THSD7A: variants seen among roughly 807,000 people sequenced by gnomAD.
THSD7A encodes thrombospondin type-1 domain-containing protein 7A.
In THSD7A, 96 loss-of-function variants were observed where a neutral mutation model predicts 231.3. The ratio of observed to expected loss-of-function variants is 0.41; its 90% CI spans 0.35 to 0.49. THSD7A has a LOEUF of 0.49. Among genes scored for constraint, THSD7A ranks in the 20% least tolerant of loss-of-function variants. The pLI, the probability that THSD7A is intolerant of heterozygous loss-of-function variation, is 0.05. For synonymous variants in THSD7A, 940 were observed against 743.3 expected (o/e 1.26, Z -4.30); for missense variants, 2,290 against 2,070.2 (o/e 1.11, Z -2.06).
intron 6 of THSD7A, among the ~76,000 whole-genome samples, chr7:11,494,581 A>G (rs905447734): frequency 6.6e-6 from 1 of 152,078 alleles, no homozygotes; most frequent in Non-Finnish European, 1.5e-5. Context: ...ATGAATAGCT[A>G]CTGTGTTCAA....
At chr7:11,707,798 G>C (rs1011097538) in intron 1 of THSD7A, among the ~76,000 whole-genome samples, 3 of 150,758 alleles carry the variant, frequency 2.0e-5, no homozygotes, top group African/African-American at 7.3e-5. Context: ...CATTCAGCTT[G>C]AGCCAAAATA....
intron 7 of THSD7A, among the ~76,000 whole-genome samples, chr7:11,478,369 T>C (rs1334397228): frequency 6.6e-6 from 1 of 152,146 alleles, no homozygotes; most frequent in African/African-American, 2.4e-5. Context: ...GTGCCCCCTG[T>C]CCTTCACCCT....
chr7:11,820,230 T>G (rs980037747), intron 1 of THSD7A: 1 of 370,218 alleles, frequency 2.7e-6, no homozygotes, highest in African/African-American at 2.1e-5. Context: ...TTTCAGAATC[T>G]TCTTGAGGTT....
At chr7:11,724,101 T>C in intron 1 of THSD7A, among the ~76,000 whole-genome samples, 1 of 152,004 alleles carries the variant, frequency 6.6e-6, no homozygotes, top group East Asian at 1.9e-4. Flanking sequence ...ATTTCAAAAA[T>C]TGAGCTCTTA....
chr7:11,731,305 G>A (rs1781724430), intron 1 of THSD7A, among the ~76,000 whole-genome samples: 2 of 151,262 alleles, frequency 1.3e-5, no homozygotes, highest in African/African-American at 4.8e-5. Flanking sequence ...TTGAATGTAG[G>A]TAACTCCCCT....
chr7:11,423,513 T>A (rs919922103), intron 16 of THSD7A, among the ~76,000 whole-genome samples: 2 of 151,662 alleles, frequency 1.3e-5, no homozygotes, highest in African/African-American at 4.8e-5. Flanking sequence ...GGACTACAGG[T>A]GCCCGCCGCC....
Position 11,632,529 on chromosome 7 carries a change from G to T in THSD7A, c.1022+3601C>A, listed in dbSNP as rs927943816. 2.0e-5 allele frequency among the ~76,000 whole-genome samples: 3 copies of T among 152,028 alleles called. No individual in the cohort carries two copies. The highest frequency in any genetic ancestry group is 2.9e-5 in the Non-Finnish European group (2 of 67,992). ...AATTATCGTAACATCTGAGGGAAAA[G>T]GTCTTATTTTTACCACTTGCTTTCT... On this transcript the variant is annotated intron_variant, in intron 2 of 27. Coordinates refer to ENST00000423059, the MANE Select transcript of THSD7A (RefSeq NM_015204.3). The surrounding 1 kb of genome is among the most constrained non-coding windows in gnomAD (Gnocchi z 4.1).
In THSD7A at chr7:11,370,469, C is replaced by T. The variant is rs1782009942; in HGVS notation, c.*5325G>A. On this transcript the variant is annotated 3_prime_UTR_variant, in exon 28 of 28. Coordinates refer to ENST00000423059, the MANE Select transcript of THSD7A (RefSeq NM_015204.3). Reference sequence around the variant, plus strand: ...AAATGATTTCCGTATTTATGTTTGTCAGCAATATAGTTATTTACAAATAAC... The same window carrying T: ...AAATGATTTCCGTATTTATGTTTGTTAGCAATATAGTTATTTACAAATAAC... 1 of 152,050 alleles carries T rather than the reference C, an allele frequency of 6.6e-6. No individual in the cohort carries two copies. The highest frequency in any genetic ancestry group is 2.4e-5 in the African/African-American group (1 of 41,394). The allele number at this position is 152,050 out of a possible 1,614,324, so 9.4% of individuals were successfully genotyped here.
At chr7:11,751,840 C>T (rs1171267785) in intron 1 of THSD7A, among the ~76,000 whole-genome samples, 2 of 152,018 alleles carry the variant, frequency 1.3e-5, no homozygotes, top group African/African-American at 2.4e-5. Context: ...GTCCCATCCT[C>T]CTGAAATGGG....
At chr7:11,400,367 C>T (rs1783357578) in intron 23 of THSD7A, among the ~76,000 whole-genome samples, 1 of 152,098 alleles carries the variant, frequency 6.6e-6, no homozygotes, top group African/African-American at 2.4e-5. Context: ...TTTAACTTTT[C>T]TCCCTTCTGT....
intron 6 of THSD7A, among the ~76,000 whole-genome samples, chr7:11,540,031 G>A (rs2128322134): frequency 6.6e-6 from 1 of 152,284 alleles, no homozygotes; most frequent in African/African-American, 2.4e-5. Context: ...TAAAGTGTGA[G>A]TAAAAGAGAA....
At chr7:11,592,263 AT>A (rs199800447) in intron 3 of THSD7A, among the ~76,000 whole-genome samples, 4 of 151,724 alleles carry the variant, frequency 2.6e-5, no homozygotes, top group Admixed American at 6.6e-5. Flanking sequence ...AAACATTACT[AT>A]TTTTTTTGTT....
intron 6 of THSD7A, among the ~76,000 whole-genome samples, chr7:11,505,478 C>T: frequency 6.7e-6 from 1 of 149,510 alleles, no homozygotes; most frequent in Non-Finnish European, 1.5e-5. Context: ...AAGATTTGAA[C>T]AGAAGACAAA....
At chr7:11,541,293 C>G in intron 6 of THSD7A, 126 bp downstream of exon 6, 3 of 879,510 alleles carry the variant, frequency 3.4e-6, no homozygotes, top group Non-Finnish European at 5.4e-6. Flanking sequence ...GAGAGAGAAG[C>G]AGCTATTTCT....
chr7:11,671,889 T>G (rs1783409816), intron 1 of THSD7A, among the ~76,000 whole-genome samples: 1 of 152,172 alleles, frequency 6.6e-6, no homozygotes, highest in Admixed American at 6.5e-5. Flanking sequence ...GAGTTTATAA[T>G]AAATAATGCA....
intron 24 of THSD7A, among the ~76,000 whole-genome samples, chr7:11,380,722 T>C (rs1782479345): frequency 6.6e-6 from 1 of 152,182 alleles, no homozygotes; most frequent in African/African-American, 2.4e-5. Flanking sequence ...TAATATACTT[T>C]ACATGCTTGT....
At chr7:11,671,583 C>A (rs1302252657) in intron 1 of THSD7A, among the ~76,000 whole-genome samples, 1 of 152,098 alleles carries the variant, frequency 6.6e-6, no homozygotes, top group Non-Finnish European at 1.5e-5. Flanking sequence ...AAGACGGTTA[C>A]ATAAAATAAT....
chr7:11,640,029 A>G (rs1340380042), intron 1 of THSD7A, among the ~76,000 whole-genome samples: 1 of 152,212 alleles, frequency 6.6e-6, no homozygotes, highest in Non-Finnish European at 1.5e-5. Context: ...ATTTACTGAC[A>G]TCAAATTATG....
chr7:11,633,583 G>C (rs2128358930), intron 2 of THSD7A, among the ~76,000 whole-genome samples: 2 of 152,246 alleles, frequency 1.3e-5, no homozygotes, highest in African/African-American at 4.8e-5. Flanking sequence ...AACACATAAT[G>C]CCCTTCTAAG....
Sources: allele counts gnomAD v4.1 joint callset (sites outside exome capture counted in the v4.1 genomes callset), GRCh38; gene constraint gnomAD v4.1.1; non-coding constraint Gnocchi (gnomAD v3.1); transcripts MANE v1.5; gene names NCBI Gene and HGNC (gene_info 2026-07-23, HGNC 2026-07-21).